Variants in UPB1 observed in about 807,000 individuals in gnomAD.
UPB1 encodes beta-ureidopropionase.
In UPB1, 40 loss-of-function variants were observed where a neutral mutation model predicts 49.1. That is an observed-to-expected ratio of 0.81 (90% confidence interval 0.63 to 1.06). The LOEUF is 1.06. Among genes scored for constraint, UPB1 ranks in the 50% least tolerant of loss-of-function variants. The probability of loss-of-function intolerance (pLI) is 0.00; values close to 1 mark genes in which losing one functional copy is unlikely to be tolerated. For missense variants in UPB1, 499 were observed against 505.9 expected (o/e 0.99, Z 0.13); for synonymous variants, 207 against 198.2 (o/e 1.04, Z -0.38).
At chr22:24,496,000 T>C (rs991295623) in intron 1 of UPB1, among the ~76,000 whole-genome samples, 1 of 152,052 alleles carries the variant, frequency 6.6e-6, no homozygotes, top group African/African-American at 2.4e-5. Context: ...GGGCGCTGGT[T>C]TTTCCACTCC....
chr22:24,510,283 C>T lies in UPB1; in HGVS notation c.365-466C>T, dbSNP rs77876202. Among the ~76,000 whole-genome samples, 1,029 of 151,772 alleles carry T rather than the reference C, an allele frequency of 6.8e-3. 13 individuals carry two copies. The highest frequency in any genetic ancestry group is 0.023 in the African/African-American group (939 of 41,366). On this transcript the variant is annotated intron_variant, in intron 3 of 9. Transcript: ENST00000326010. The stretch of plus-strand genomic sequence containing the variant: ...ACTCTAAATACCTCCTATGAGTAGA[C>T]GCCTACAGTATTTGTTTTGTGTCTT...
At chr22:24,512,149 C>G (rs961565480) in intron 4 of UPB1, among the ~76,000 whole-genome samples, 1 of 151,764 alleles carries the variant, frequency 6.6e-6, no homozygotes, top group African/African-American at 2.4e-5. Context: ...AAAAAAAAAT[C>G]TCTCATTCAC....
chr22:24,505,773 C>T (rs951527833), intron 3 of UPB1, among the ~76,000 whole-genome samples: 13 of 152,018 alleles, frequency 8.6e-5, no homozygotes, highest in African/African-American at 1.5e-4. Context: ...AGGGCAGTGG[C>T]GCGATCTCAG....
At chr22:24,523,938 C>T (rs1320348565) in intron 9 of UPB1, among the ~76,000 whole-genome samples, 165 bp downstream of exon 9, 6 of 152,186 alleles carry the variant, frequency 3.9e-5, no homozygotes, top group East Asian at 1.9e-4. Context: ...TGCTGGCTCC[C>T]GGGAGGAACA....
intron 9 of UPB1, among the ~76,000 whole-genome samples, chr22:24,524,734 C>T (rs543454641): frequency 4.6e-5 from 7 of 152,330 alleles, no homozygotes; most frequent in Admixed American, 2.6e-4. Context: ...AAGCAATCCT[C>T]GCACCTCGGG....
At chr22:24,512,785 G>T (rs1452595011) in intron 4 of UPB1, among the ~76,000 whole-genome samples, 4 of 152,136 alleles carry the variant, frequency 2.6e-5, no homozygotes. Context: ...GAATCATACA[G>T]TATTTGTCTT....
chr22:24,516,137 C>T (rs2044289698), intron 6 of UPB1, among the ~76,000 whole-genome samples: 1 of 152,218 alleles, frequency 6.6e-6, no homozygotes, highest in African/African-American at 2.4e-5. Flanking sequence ...GACATCTGGA[C>T]AAGAGAAGCT....
intron 1 of UPB1, 137 bp downstream of exon 1, chr22:24,495,644 ATAG>A: frequency 1.1e-6 from 1 of 915,970 alleles, no homozygotes; most frequent in Non-Finnish European, 1.7e-6. Context: ...GGCAGAGACC[ATAG>A]TAGGTCTTGA....
At position 24,523,640 on chromosome 22, in the gene UPB1, T is replaced by G. The variant is rs2044434121; in HGVS notation, c.938T>G (p.Phe313Cys). 6.2e-7 allele frequency: 1 copy of G among 1,614,158 alleles called. No individual in the cohort carries two copies. Among genetic ancestry groups the G allele is most frequent in the Non-Finnish European group, 8.5e-7 (1 of 1,180,052 alleles). ...GKKAHQDFGY[F>C]YGSSYVAAPD... ...AAAGCTCACCAGGACTTTGGCTACTTTTATGGCTCGAGCTATGTGGCAGCC... is the reference window on the plus strand; with the variant it reads ...AAAGCTCACCAGGACTTTGGCTACTGTTATGGCTCGAGCTATGTGGCAGCC... The change falls in exon 9 of 10, where the codon TTT becomes TGT. Residue 313 changes from phenylalanine to cysteine, a missense_variant. Phe to Cys is a radical substitution (Grantham distance 205). Transcript: ENST00000326010.
intron 3 of UPB1, chr22:24,502,785 G>A (rs2044017473): frequency 2.0e-6 from 1 of 493,612 alleles, no homozygotes; most frequent in Admixed American, 3.7e-5. Flanking sequence ...ATCACCTATT[G>A]ACTTCCCCCT....
At chr22:24,509,361 G>GAAAAAAAAAA (rs202081655) in intron 3 of UPB1, among the ~76,000 whole-genome samples, 13 of 92,154 alleles carry the variant, frequency 1.4e-4, no homozygotes, top group Non-Finnish European at 2.0e-4. Flanking sequence ...CCTACTGTTT[G>GAAAAAAAAAA]AAAAAAAAAA....
At chr22:24,521,425 C>A (rs6004174) in intron 7 of UPB1, among the ~76,000 whole-genome samples, 33,342 of 151,766 alleles carry the variant, frequency 0.22, 3,840 homozygotes, top group African/African-American at 0.29. Flanking sequence ...GGAAGAGCCG[C>A]GGTCGCATCA....
In UPB1 at chr22:24,495,340, C is replaced by T; in HGVS notation, c.-64C>T. 1 of 1,573,904 alleles carries T rather than the reference C, an allele frequency of 6.4e-7. No homozygotes were observed. Among genetic ancestry groups the T allele is most frequent in the Non-Finnish European group, 8.7e-7 (1 of 1,150,688 alleles). ...GGCGCCTGACCGGGCCTGGGCACCTCCTCCCACTGCGGGCAAAGGGCAGGC... is the reference window on the plus strand; with the variant it reads ...GGCGCCTGACCGGGCCTGGGCACCTTCTCCCACTGCGGGCAAAGGGCAGGC... On this transcript the variant is annotated 5_prime_UTR_variant, in exon 1 of 10. Transcript: ENST00000326010.
chr22:24,508,970 T>C (rs1334889935), intron 3 of UPB1, among the ~76,000 whole-genome samples: 2 of 152,184 alleles, frequency 1.3e-5, no homozygotes, highest in Non-Finnish European at 2.9e-5. Context: ...AGACAAGGAT[T>C]GAGTTCTCCA....
intron 3 of UPB1, among the ~76,000 whole-genome samples, chr22:24,504,723 C>CTT (rs35606558): frequency 0.028 from 2,580 of 91,772 alleles, 181 homozygotes; most frequent in African/African-American, 0.048. Flanking sequence ...GTATTTCCTC[C>CTT]TTTTTTTTTT....
chr22:24,521,477 AAAAT>A (rs906756396), intron 7 of UPB1, among the ~76,000 whole-genome samples: 8 of 152,168 alleles, frequency 5.3e-5, no homozygotes, highest in Non-Finnish European at 1.2e-4. Flanking sequence ...CTCCGTCTCC[AAAAT>A]AAATAAATAA....
intron 5 of UPB1, 44 bp downstream of exon 5, chr22:24,513,529 C>T (rs369558923): frequency 1.3e-5 from 20 of 1,596,776 alleles, no homozygotes; most frequent in African/African-American, 6.7e-5. Context: ...CTCACTTGCC[C>T]CTCTGTATGT....
intron 4 of UPB1, among the ~76,000 whole-genome samples, chr22:24,511,603 T>C (rs947261161): frequency 3.4e-4 from 35 of 104,136 alleles, no homozygotes; most frequent in African/African-American, 1.2e-3. Context: ...GTGAATTATA[T>C]ATATATATAT....
chr22:24,523,392 T>C (rs978881895), intron 8 of UPB1, among the ~76,000 whole-genome samples: 3 of 152,216 alleles, frequency 2.0e-5, no homozygotes, highest in Non-Finnish European at 4.4e-5. Context: ...CATTTAGACA[T>C]TTCCCCAGGG....
Sources: allele counts gnomAD v4.1 joint callset (sites outside exome capture counted in the v4.1 genomes callset), GRCh38; gene constraint gnomAD v4.1.1; transcripts MANE v1.5; gene names NCBI Gene and HGNC (gene_info 2026-07-23, HGNC 2026-07-21).